Variants in ELOVL6 observed in about 807,000 individuals in gnomAD.
The protein encoded by ELOVL6 is very long chain fatty acid elongase 6.
ELOVL6 carries 8 observed loss-of-function variants against 31.7 expected under a neutral mutation model. That is an observed-to-expected ratio of 0.25 (90% CI 0.15 to 0.45). The LOEUF is 0.45. ELOVL6 is among the 20% of genes least tolerant of loss of function. ELOVL6 has a pLI of 1.00. For missense variants in ELOVL6, 126 were observed against 326.4 expected, an observed-to-expected ratio of 0.39 and a Z score of 4.73; for synonymous variants, 101 against 117.7, an observed-to-expected ratio of 0.86 and a Z score of 0.92.
At position 110,169,189 on chromosome 4, in the gene ELOVL6, A is replaced by G. The variant is rs143068864; in HGVS notation, c.89+29058T>C. ...CTTGGCCTCCCAAAGTGCTAGAATT[A>G]CAGGTGTGAGCCACTGCACCCGACC... On this transcript the variant is annotated intron_variant, in intron 1 of 3. Coordinates refer to ENST00000302274, the MANE Select transcript of ELOVL6 (RefSeq NM_024090.3). Among the ~76,000 whole-genome samples, 846 of 151,516 alleles carry G rather than the reference A, an allele frequency of 5.6e-3. 8 individuals carry two copies. Among genetic ancestry groups the G allele is most frequent in the African/African-American group, 0.019 (806 of 41,338 alleles).
At chr4:110,104,285 C>G (rs1756827039) in intron 2 of ELOVL6, among the ~76,000 whole-genome samples, 1 of 152,152 alleles carries the variant, frequency 6.6e-6, no homozygotes. Context: ...GAAAAGCCTT[C>G]TTTATATTAT....
At chr4:110,141,672 GTA>G (rs1382811556) in intron 1 of ELOVL6, among the ~76,000 whole-genome samples, 1 of 147,694 alleles carries the variant, frequency 6.8e-6, no homozygotes, top group Non-Finnish European at 1.5e-5. Flanking sequence ...TATATATAGT[GTA>G]TATATATAGT....
intron 2 of ELOVL6, among the ~76,000 whole-genome samples, chr4:110,078,082 G>A (rs1755706114): frequency 1.3e-5 from 2 of 152,292 alleles, no homozygotes; most frequent in African/African-American, 2.4e-5. Flanking sequence ...AGAAATACGG[G>A]ACTATGTGAA....
rs1759749216 is a variant in ELOVL6 at position 110,195,587 on chromosome 4, G to C, written c.89+2660C>G. Among the ~76,000 whole-genome samples the C allele has an allele frequency of 3.9e-5, 6 of 152,100 alleles. No homozygotes were observed. In the South Asian group the frequency reaches 1.2e-3, roughly 32 times the overall value. Reference sequence around the variant, plus strand: ...CAATTAGGGTCAGGAAGAGTTGCAAGGGAGGGGTAACAGCCAGCAGGGTTC... The same window carrying C: ...CAATTAGGGTCAGGAAGAGTTGCAACGGAGGGGTAACAGCCAGCAGGGTTC... On this transcript the variant is annotated intron_variant, in intron 1 of 3. Transcript: ENST00000302274.
At chr4:110,052,998 A>G (rs1276061345) in intron 3 of ELOVL6, among the ~76,000 whole-genome samples, 1 of 152,322 alleles carries the variant, frequency 6.6e-6, no homozygotes, top group East Asian at 1.9e-4. Flanking sequence ...CCTACGTGCC[A>G]TCGCAGCTCA....
intron 2 of ELOVL6, among the ~76,000 whole-genome samples, chr4:110,064,352 G>A (rs1421202785): frequency 8.1e-6 from 1 of 123,308 alleles, no homozygotes; most frequent in Non-Finnish European, 1.5e-5. Context: ...TATTTGCCAT[G>A]GGATGTCAGG....
At chr4:110,186,814 A>AT (rs1759456400) in intron 1 of ELOVL6, among the ~76,000 whole-genome samples, 1 of 117,802 alleles carries the variant, frequency 8.5e-6, no homozygotes, top group African/African-American at 3.1e-5. Context: ...AAAAAAAAAA[A>AT]AAAAAAAAAT....
chr4:110,154,153 C>CACA (rs1758352598), intron 1 of ELOVL6, among the ~76,000 whole-genome samples: 1 of 152,142 alleles, frequency 6.6e-6, no homozygotes, highest in South Asian at 2.1e-4. Context: ...CATGGCTCAC[C>CACA]ACAGCCTTCA....
intron 1 of ELOVL6, among the ~76,000 whole-genome samples, chr4:110,195,303 A>G (rs1320688536): frequency 6.6e-6 from 1 of 152,144 alleles, no homozygotes; most frequent in East Asian, 1.9e-4. Context: ...TATTTTTAGT[A>G]GAGATGGGGT....
intron 2 of ELOVL6, among the ~76,000 whole-genome samples, chr4:110,061,031 T>C (rs1162554350): frequency 6.6e-6 from 1 of 152,204 alleles, no homozygotes; most frequent in Admixed American, 6.5e-5. Context: ...AGTTGGGTCT[T>C]TGTAAGTAGC....
At chr4:110,195,255 T>A (rs1399955721) in intron 1 of ELOVL6, among the ~76,000 whole-genome samples, 5 of 152,072 alleles carry the variant, frequency 3.3e-5, no homozygotes, top group African/African-American at 1.2e-4. Context: ...GTAGCTGGGA[T>A]TACAGGCACC....
intron 1 of ELOVL6, among the ~76,000 whole-genome samples, chr4:110,152,763 T>G (rs1226859226): frequency 6.6e-6 from 1 of 152,214 alleles, no homozygotes; most frequent in East Asian, 1.9e-4. Flanking sequence ...CTATATATAG[T>G]GTATGTGAGT....
intron 1 of ELOVL6, among the ~76,000 whole-genome samples, chr4:110,141,874 T>TATATATATAC (rs926529050): frequency 2.8e-5 from 4 of 143,214 alleles, no homozygotes; most frequent in East Asian, 2.0e-4. Context: ...TATATATATA[T>TATATATATAC]ACTAATACAA....
chr4:110,153,437 G>A (rs1159179173), intron 1 of ELOVL6, among the ~76,000 whole-genome samples: 2 of 152,070 alleles, frequency 1.3e-5, no homozygotes, highest in East Asian at 3.8e-4. Flanking sequence ...TATAGATGGT[G>A]GGCTAAAACT....
rs1051831963 is a variant in ELOVL6, at chr4:110,147,852, C to T, written c.90-42224G>A. Among the ~76,000 whole-genome samples the T allele has an allele frequency of 9.2e-5, 14 of 152,098 alleles. No individual in the cohort carries two copies. The South Asian group carries it at 2.9e-3, about 32-fold the overall frequency. On this transcript the variant is annotated intron_variant, in intron 1 of 3. Coordinates refer to ENST00000302274, the MANE Select transcript of ELOVL6 (RefSeq NM_024090.3). ...CAAAAAGGCCAGGCATGGTGGCTCACGCCTGTAATCCCAGCACTTTGGCAG... is the reference window on the plus strand; with the variant it reads ...CAAAAAGGCCAGGCATGGTGGCTCATGCCTGTAATCCCAGCACTTTGGCAG...
chr4:110,131,071 T>A (rs534541870), intron 1 of ELOVL6, among the ~76,000 whole-genome samples: 1 of 152,380 alleles, frequency 6.6e-6, no homozygotes, highest in East Asian at 1.9e-4. Context: ...TATCATTGAC[T>A]GTACTACATG....
intron 2 of ELOVL6, among the ~76,000 whole-genome samples, chr4:110,075,975 C>A (rs1048358933): frequency 1.3e-5 from 2 of 152,254 alleles, no homozygotes; most frequent in Non-Finnish European, 2.9e-5. Context: ...TGAAACACAT[C>A]AAAGTTTCCA....
chr4:110,167,704 TGTA>T (rs1758820220), intron 1 of ELOVL6, among the ~76,000 whole-genome samples: 1 of 149,140 alleles, frequency 6.7e-6, no homozygotes, highest in Non-Finnish European at 1.5e-5. Flanking sequence ...TATGTATGTA[TGTA>T]TGTTTGTATG....
chr4:110,172,938 C>G (rs1302764952), intron 1 of ELOVL6, among the ~76,000 whole-genome samples: 1 of 152,134 alleles, frequency 6.6e-6, no homozygotes, highest in Non-Finnish European at 1.5e-5. Flanking sequence ...CTAAGCACAA[C>G]AAAGAATGCA....
Sources: gnomAD v4.1 joint callset for allele counts (sites outside exome capture counted in the v4.1 genomes callset) on GRCh38, gnomAD v4.1.1 for gene constraint, MANE v1.5 for transcripts, NCBI Gene and HGNC (gene_info 2026-07-23, HGNC 2026-07-21) for gene names.